CARMIL2: variants seen among roughly 807,000 people sequenced by gnomAD.
The protein encoded by CARMIL2 is capping protein, Arp2/3 and myosin-I linker protein 2.
In CARMIL2, 96 loss-of-function variants were observed where a neutral mutation model predicts 173.3. That is an observed-to-expected ratio of 0.55 (90% CI 0.47 to 0.66). The LOEUF (loss-of-function observed/expected upper bound fraction) is 0.66, where lower values mean the gene tolerates loss of function less well. Among genes scored for constraint, CARMIL2 ranks in the 30% least tolerant of loss-of-function variants. CARMIL2 has a pLI of 0.00. For synonymous variants in CARMIL2, 830 were observed against 817.1 expected (o/e 1.02, Z -0.27); for missense variants, 1,771 against 1,906.7 (o/e 0.93, Z 1.33).
At position 67,652,868 on chromosome 16, in the gene CARMIL2, G is replaced by A. The variant is rs1214113231; in HGVS notation, c.2885-151G>A. 2 of 207,168 alleles carry A rather than the reference G, an allele frequency of 9.7e-6. No homozygotes were observed. The highest frequency in any genetic ancestry group is 9.2e-6 in the Non-Finnish European group (1 of 109,072). The allele number at this position is 207,168 out of a possible 1,614,324, so 12.8% of individuals were successfully genotyped here. Reference sequence around the variant, plus strand: ...CAGCACCACGGACAGCGGCGGCGGCGGGGGAGGGGCGGAGGGGCAGAGGGG... The same window carrying A: ...CAGCACCACGGACAGCGGCGGCGGCAGGGGAGGGGCGGAGGGGCAGAGGGG... On this transcript the variant is annotated intron_variant, in intron 28 of 37. Transcript: ENST00000334583. This position sits in a 1 kb window ranked among gnomAD's most constrained non-coding sequence, Gnocchi z 4.7.
Position 67,647,347 on chromosome 16 carries a change from C to T in CARMIL2, c.736C>T (p.His246Tyr), listed in dbSNP as rs2052613566. 1 of 1,588,424 alleles carries T rather than the reference C, an allele frequency of 6.3e-7. No individual in the cohort carries two copies. Among genetic ancestry groups the T allele is most frequent in the Admixed American group, 1.8e-5 (1 of 55,106 alleles). ...QILHMMSQSS[H>Y]LEELVLETCS... is the part of the protein sequence containing the mutation. ...TCTGCACATGATGAGTCAGTCATCA[C>T]ACCTGGAGGAGCTGGTGCTGGAGAC... The change falls in exon 10 of 38, where the codon CAC becomes TAC. Residue 246 changes from histidine (H) to tyrosine (Y), a missense_variant. His to Tyr is a moderately conservative substitution (Grantham distance 83). Around this residue, in one of 3 missense-constraint regions of CARMIL2, gnomAD observed 944 missense variants for 975.6 expected, o/e 0.97. Transcript: ENST00000334583.
At position 67,645,565 on chromosome 16, in the gene CARMIL2, C is replaced by G. The variant is rs1597741407; in HGVS notation, c.66C>G (p.Pro22=). 1 of 1,609,958 alleles carries G rather than the reference C, an allele frequency of 6.2e-7. No homozygotes were observed. Among genetic ancestry groups the G allele is most frequent in the African/African-American group, 1.3e-5 (1 of 74,852 alleles). ...LRGEITRFLW[P]KEVELLLKTW... ...GCGAGATCACCAGGTTCCTGTGGCC[C>G]AAAGAGGTGGAGCTGCTGCTGAAAA... The change falls in exon 2 of 38, where the codon CCC becomes CCG. Residue 22 remains proline, a synonymous_variant. Transcript: ENST00000334583.
At position 67,654,619 on chromosome 16, in the gene CARMIL2, G is replaced by A; in HGVS notation, c.3509G>A (p.Arg1170Lys). The A allele has an allele frequency of 6.2e-7, 1 of 1,600,324 alleles. No individual in the cohort carries two copies. Among genetic ancestry groups the A allele is most frequent in the Non-Finnish European group, 8.5e-7 (1 of 1,172,652 alleles). ...PAGRSRPRYT[R>K]DSKAYSMILL... ...GGCAGGAGCCGACCTCGCTACACAA[G>A]AGATAGCAAGGCCTACTCGATGATA... Residue 1170 changes from arginine to lysine, a missense_variant, in exon 31 of 38, where the codon AGA (arginine) becomes AAA (lysine). Arg to Lys is a conservative substitution (Grantham distance 26). Around this residue, in one of 3 missense-constraint regions of CARMIL2, gnomAD observed 817 missense variants for 903.5 expected, o/e 0.90. Transcript: ENST00000334583.
In CARMIL2 at chr16:67,656,346, C is replaced by T. The variant is rs200242039; in HGVS notation, c.3814+47C>T. On this transcript the variant is annotated intron_variant, in intron 34 of 37. Coordinates refer to ENST00000334583, the MANE Select transcript of CARMIL2 (RefSeq NM_001013838.3). ...TGTTGGTAGTGGGAGCAGGGACAGG[C>T]AGGAGTTGGGTCAGACTGTTGTTCA... 1.7e-3 allele frequency: 2,735 copies of T among 1,611,448 alleles called. 5 individuals carry two copies. The highest frequency in any genetic ancestry group is 2.2e-3 in the Non-Finnish European group (2,563 of 1,177,674).
chr16:67,645,233 G>A lies in CARMIL2; in HGVS notation c.-14G>A, dbSNP rs776530940. The A allele has an allele frequency of 3.2e-6, 5 of 1,581,224 alleles. No homozygotes were observed. Among genetic ancestry groups the A allele is most frequent in the Non-Finnish European group, 4.3e-6 (5 of 1,164,372 alleles). On this transcript the variant is annotated 5_prime_UTR_variant, in exon 1 of 38. Transcript: ENST00000334583. Reference sequence around the variant, plus strand: ...CCGCCGGAGCTCGTTGGGCCTCCCCGGCCCGCCCGGCCCATGGCCCAGACC... The same window carrying A: ...CCGCCGGAGCTCGTTGGGCCTCCCCAGCCCGCCCGGCCCATGGCCCAGACC...
At position 67,647,487 on chromosome 16, in the gene CARMIL2, T is replaced by G. The variant is rs768500788; in HGVS notation, c.777-21T>G. The G allele has an allele frequency of 1.9e-6, 3 of 1,585,214 alleles. No individual in the cohort carries two copies. In the Admixed American group the frequency reaches 5.4e-5, roughly 29 times the overall value. On this transcript the variant is annotated intron_variant, in intron 10 of 37. Transcript: ENST00000334583. ...TTGGCAAACCAGGGGCAGAATCTCA[T>G]GCCTGGGGTCTGGTCCCCAGAGACT...
In CARMIL2 at chr16:67,648,257, G is replaced by C. The variant is rs776341617; in HGVS notation, c.1277G>C (p.Arg426Pro). 1 of 1,599,800 alleles carries C rather than the reference G, an allele frequency of 6.3e-7. No homozygotes were observed. Among genetic ancestry groups the C allele is most frequent in the South Asian group, 1.1e-5 (1 of 89,786 alleles). ...CCGCAGCTCTTCGCAGCGGTATCCC[G>C]AGGCTGCTGCACCAGCCTTACCCAC... Reference protein sequence around the residue: ...LPPQLFAAVSRGCCTSLTHLD... With the variant: ...LPPQLFAAVSPGCCTSLTHLD... The change falls in exon 14 of 38, where the codon CGA becomes CCA. Residue 426 changes from arginine to proline, a missense_variant. Physicochemically the swap from Arg to Pro is moderately radical, Grantham distance 103. Around this residue, in one of 3 missense-constraint regions of CARMIL2, gnomAD observed 944 missense variants for 975.6 expected, o/e 0.97. Transcript: ENST00000334583. This position sits in a 1 kb window ranked among gnomAD's most constrained non-coding sequence, Gnocchi z 6.1.
intron 1 of CARMIL2, 63 bp downstream of exon 1, chr16:67,645,349 GC>G: frequency 6.5e-7 from 1 of 1,535,782 alleles, no homozygotes; most frequent in Non-Finnish European, 8.9e-7. Flanking sequence ...AAAATCAGAG[GC>G]CCACCCAGCG....
In CARMIL2 at chr16:67,654,828, G is replaced by A. The variant is rs776747527; in HGVS notation, c.3633G>A (p.Gln1211=). The A allele has an allele frequency of 1.9e-6, 3 of 1,613,696 alleles. No individual in the cohort carries two copies. Among genetic ancestry groups the A allele is most frequent in the Non-Finnish European group, 1.7e-6 (2 of 1,179,892 alleles). The stretch of plus-strand genomic sequence containing the variant: ...CAGAACTGGCTCCATCCTTTGAACA[G>A]CGGGTACAAGTAATGCTGCAGAGGA... ...GETELAPSFE[Q]RVQVMLQRIG... is the part of the protein sequence containing the mutation. Residue 1211 remains glutamine (Q), a synonymous_variant, in exon 32 of 38, where the codon CAG becomes CAA. Transcript: ENST00000334583.
Position 67,645,178 on chromosome 16 carries a change from C to G in CARMIL2, c.-69C>G. On this transcript the variant is annotated 5_prime_UTR_variant, in exon 1 of 38. Transcript: ENST00000334583. The stretch of plus-strand genomic sequence containing the variant: ...CCGTGCGGGTCTGGGCCCCAGGCTT[C>G]CTGTGTGCGCGCTCGTCCTCTGCTG... 7.6e-7 allele frequency: 1 copy of G among 1,313,296 alleles called. No homozygotes were observed. Among genetic ancestry groups the G allele is most frequent in the Non-Finnish European group, 1.1e-6 (1 of 942,952 alleles). 81.4% of individuals were successfully genotyped at this position (1,313,296 alleles called of 1,614,324 possible). A position where few individuals can be genotyped will look rare whatever the true frequency, so the allele number is the denominator to read the frequency against.
Position 67,648,779 on chromosome 16 carries a change from C to T in CARMIL2, c.1509+25C>T, listed in dbSNP as rs2052653369. On this transcript the variant is annotated intron_variant, in intron 16 of 37. Transcript: ENST00000334583. The surrounding 1 kb of genome is among the most constrained non-coding windows in gnomAD (Gnocchi z 6.1). ...GGTGAGCGCCGGCCCCCAGAAGAGA[C>T]CACACATTGGGAGAGGCGCTGGGAG... The T allele has an allele frequency of 3.1e-6, 5 of 1,589,364 alleles. No individual in the cohort carries two copies. The highest frequency in any genetic ancestry group is 4.3e-6 in the Non-Finnish European group (5 of 1,168,488).
chr16:67,651,363 G>C lies in CARMIL2; in HGVS notation c.2314-38G>C. 6.2e-7 allele frequency: 1 copy of C among 1,604,060 alleles called. No individual in the cohort carries two copies. The highest frequency in any genetic ancestry group is 8.5e-7 in the Non-Finnish European group (1 of 1,172,724). ...CAAGGACCCTTCCCCTCTTAGTCAG[G>C]TGTCAGCTCGCAACTGCTTTTCCTC... On this transcript the variant is annotated intron_variant, in intron 23 of 37. Coordinates refer to ENST00000334583, the MANE Select transcript of CARMIL2 (RefSeq NM_001013838.3). The surrounding 1 kb of genome is among the most constrained non-coding windows in gnomAD (Gnocchi z 4.2).
At position 67,654,874 on chromosome 16, in the gene CARMIL2, G is replaced by C. The variant is rs754033316; in HGVS notation, c.3679G>C (p.Gly1227Arg). The change falls in exon 32 of 38, where the codon GGG becomes CGG. Residue 1227 changes from glycine to arginine, a missense_variant. By Grantham distance (125) the Gly-to-Arg change is moderately radical (BLOSUM62 -2). Coordinates refer to ENST00000334583, the MANE Select transcript of CARMIL2 (RefSeq NM_001013838.3). The part of the protein sequence containing the change: ...LQRIGVSRGS[G>R]GAEGKRKQSK... ...GAGGATAGGCGTCAGCCGAGGCAGCGGGGGTGCCGAAGGCAAGAGGAAGCA... is the reference window on the plus strand; with the variant it reads ...GAGGATAGGCGTCAGCCGAGGCAGCCGGGGTGCCGAAGGCAAGAGGAAGCA... 1.4e-5 allele frequency: 22 copies of C among 1,613,610 alleles called. No homozygotes were observed. The Admixed American group carries it at 2.0e-4, about 15-fold the overall frequency.
chr16:67,648,023 A>G lies in CARMIL2; in HGVS notation c.1072-29A>G, dbSNP rs754465748. ...ATAAGCCCTGGGTAGGCGATCCCCCACTCCATCGCACCCCTGTCCTCCCTC... is the reference window on the plus strand; with the variant it reads ...ATAAGCCCTGGGTAGGCGATCCCCCGCTCCATCGCACCCCTGTCCTCCCTC... On this transcript the variant is annotated intron_variant, in intron 13 of 37. Transcript: ENST00000334583. The surrounding 1 kb of genome is among the most constrained non-coding windows in gnomAD (Gnocchi z 6.1). The G allele has an allele frequency of 6.2e-7, 1 of 1,608,258 alleles. No homozygotes were observed. Among genetic ancestry groups the G allele is most frequent in the Admixed American group, 1.7e-5 (1 of 59,296 alleles).
At chr16:67,647,222 G>C in intron 9 of CARMIL2, 31 bp downstream of exon 9, 1 of 1,613,214 alleles carries the variant, frequency 6.2e-7, no homozygotes, top group Non-Finnish European at 8.5e-7. Flanking sequence ...GGCAGGGAGG[G>C]GCCAAGGGTG....
chr16:67,656,954 T>A, intron 36 of CARMIL2, 73 bp downstream of exon 36: 1 of 1,257,490 alleles, frequency 8.0e-7, no homozygotes, highest in Non-Finnish European at 1.1e-6. Context: ...GCTCCCTTCA[T>A]AGCTTTGGTC....
chr16:67,648,834 C>T lies in CARMIL2; in HGVS notation c.1510-59C>T, dbSNP rs531340603. Reference sequence around the variant, plus strand: ...AAGGGCAGGGCCGTGGGCCGCCTGCCCCTCCCCACTCGCGGCCTAAGTGGG... The same window carrying T: ...AAGGGCAGGGCCGTGGGCCGCCTGCTCCTCCCCACTCGCGGCCTAAGTGGG... On this transcript the variant is annotated intron_variant, in intron 16 of 37. Coordinates refer to ENST00000334583, the MANE Select transcript of CARMIL2 (RefSeq NM_001013838.3). This position sits in a 1 kb window ranked among gnomAD's most constrained non-coding sequence, Gnocchi z 6.1. 142 of 1,570,974 alleles carry T rather than the reference C, an allele frequency of 9.0e-5. 2 individuals carry two copies. In the South Asian group the frequency reaches 1.6e-3, roughly 17 times the overall value.
Position 67,646,988 on chromosome 16 carries a change from A to C in CARMIL2, c.611+15A>C. ...CTCGGCAGTCGGTGTGTGGCCTGCCAGGATGGGAGAGGAGGAAGATCCCGG... is the reference window on the plus strand; with the variant it reads ...CTCGGCAGTCGGTGTGTGGCCTGCCCGGATGGGAGAGGAGGAAGATCCCGG... On this transcript the variant is annotated intron_variant, in intron 8 of 37. Transcript: ENST00000334583. This position sits in a 1 kb window ranked among gnomAD's most constrained non-coding sequence, Gnocchi z 4.6. 1 of 1,612,034 alleles carries C rather than the reference A, an allele frequency of 6.2e-7. No individual in the cohort carries two copies.
intron 32 of CARMIL2, among the ~76,000 whole-genome samples, 180 bp from the exon 33 acceptor site, chr16:67,655,851 G>A (rs1431993275): frequency 6.6e-6 from 1 of 152,226 alleles, no homozygotes; most frequent in African/African-American, 2.4e-5. Context: ...CATGAAGTCG[G>A]CCTGAATTTA....
Sources: gnomAD v4.1 joint callset for allele counts (sites outside exome capture counted in the v4.1 genomes callset) on GRCh38, gnomAD v4.1.1 for gene constraint, gnomAD v4.1.1 regional missense constraint, Gnocchi (gnomAD v3.1) non-coding constraint, MANE v1.5 for transcripts, NCBI Gene and HGNC (gene_info 2026-07-23, HGNC 2026-07-21) for gene names.